The following MICAL2 variants were observed in gnomAD, a reference collection of about 807,000 sequenced individuals.
The protein encoded by MICAL2 is [F-actin]-monooxygenase MICAL2.
Under a neutral mutation model 127.3 loss-of-function variants are expected in MICAL2, and 77 were observed. That is an observed-to-expected ratio of 0.60 (90% CI 0.50 to 0.73). The LOEUF (loss-of-function observed/expected upper bound fraction) is 0.73. Among genes scored for constraint, MICAL2 ranks in the 30% least tolerant of loss-of-function variants. The probability of loss-of-function intolerance (pLI) is 0.00; values close to 1 mark genes in which losing one functional copy is unlikely to be tolerated. For missense variants in MICAL2, 1,351 were observed against 1,434.4 expected (o/e 0.94, Z 0.94); for synonymous variants, 570 against 551.1 (o/e 1.03, Z -0.48).
At chr11:12,332,243 G>T (rs1938651290) in intron 32 of MICAL2, among the ~76,000 whole-genome samples, 1 of 152,190 alleles carries the variant, frequency 6.6e-6, no homozygotes, top group Non-Finnish European at 1.5e-5. Flanking sequence ...GTACTTGAAG[G>T]CAGTGAGTTA....
At chr11:12,220,906 C>T (rs1272471403) in intron 9 of MICAL2, among the ~76,000 whole-genome samples, 1 of 152,224 alleles carries the variant, frequency 6.6e-6, no homozygotes, top group Non-Finnish European at 1.5e-5. Context: ...AAATTCTTCC[C>T]AGAAAATCTG....
At chr11:12,195,670 TAAAAC>T (rs1210552114) in intron 3 of MICAL2, among the ~76,000 whole-genome samples, 3 of 150,046 alleles carry the variant, frequency 2.0e-5, no homozygotes, top group African/African-American at 7.3e-5. Flanking sequence ...TGAAGAAAAA[TAAAAC>T]TAGGCCCGTG....
At chr11:12,328,111 T>A (rs929706187) in intron 32 of MICAL2, among the ~76,000 whole-genome samples, 4 of 152,230 alleles carry the variant, frequency 2.6e-5, no homozygotes, top group African/African-American at 9.6e-5. Context: ...AGTGGTAACT[T>A]TTCCAGTAAT....
intron 29 of MICAL2, among the ~76,000 whole-genome samples, chr11:12,313,167 CAAAAAAAA>C (rs61207104): frequency 4.3e-5 from 3 of 69,286 alleles, no homozygotes; most frequent in African/African-American, 1.9e-4. Context: ...GACTACATCT[CAAAAAAAA>C]AAAAAAAAAA....
At position 12,175,687 on chromosome 11, in the gene MICAL2, C is replaced by T. The variant is rs75185251; in HGVS notation, c.264+13268C>T. On this transcript the variant is annotated intron_variant, in intron 3 of 27. Coordinates refer to ENST00000683283, the MANE Select transcript of MICAL2 (RefSeq NM_001282663.2). ...AGGTTGCTGTTTGATATAGGATGTC[C>T]TGGGAAGGCTTCTAGAAGATGGTGA... Among the ~76,000 whole-genome samples, 499 of 151,872 alleles carry T rather than the reference C, an allele frequency of 3.3e-3. 4 individuals are homozygous for T. The highest frequency in any genetic ancestry group is 0.011 in the African/African-American group (476 of 41,426).
intron 4 of MICAL2, among the ~76,000 whole-genome samples, chr11:12,205,276 C>T (rs1456651229): frequency 1.3e-5 from 2 of 152,184 alleles, no homozygotes; most frequent in Admixed American, 1.3e-4. Flanking sequence ...GCCTTCCTTC[C>T]TGCAGCTTTG....
downstream of MICAL2, chr11:12,294,320 A>G: frequency 6.2e-7 from 1 of 1,614,208 alleles, no homozygotes; most frequent in Non-Finnish European, 8.5e-7. Flanking sequence ...GGCCTGGGCC[A>G]AGCAAGAATC....
At chr11:12,224,970 G>A in intron 13 of MICAL2, 150 bp downstream of exon 13, 1 of 1,063,420 alleles carries the variant, frequency 9.4e-7, no homozygotes. Context: ...CCTTTGCACT[G>A]ATTACTCTGT....
intron 3 of MICAL2, among the ~76,000 whole-genome samples, chr11:12,203,010 T>A (rs1013099709): frequency 6.6e-5 from 10 of 152,256 alleles, no homozygotes; most frequent in Non-Finnish European, 1.3e-4. Flanking sequence ...GGACATTTCA[T>A]ATAAACGAAA....
chr11:12,284,870 A>G (rs1054427993), intron 2 of MICAL2, among the ~76,000 whole-genome samples: 1 of 152,200 alleles, frequency 6.6e-6, no homozygotes, highest in African/African-American at 2.4e-5. Context: ...GGAACCTGCC[A>G]GACAGAGCAG....
At chr11:12,237,259 G>A (rs1460175292) in intron 16 of MICAL2, among the ~76,000 whole-genome samples, 5 of 152,182 alleles carry the variant, frequency 3.3e-5, no homozygotes, top group East Asian at 1.9e-4. Context: ...TCTACCCAAT[G>A]AGTTCAAAAC....
intron 1 of MICAL2, among the ~76,000 whole-genome samples, chr11:12,115,779 T>A (rs1462587373): frequency 6.6e-6 from 1 of 152,182 alleles, no homozygotes; most frequent in African/African-American, 2.4e-5. Context: ...AAAATCCAAA[T>A]ATTTATTTTC....
intron 32 of MICAL2, among the ~76,000 whole-genome samples, chr11:12,330,797 G>GAGAC (rs1864407557): frequency 8.5e-6 from 1 of 117,794 alleles, no homozygotes; most frequent in Admixed American, 8.4e-5. Flanking sequence ...GAGAGAGAGA[G>GAGAC]AGAGAGACAG....
chr11:12,142,929 G>A (rs146403311), intron 2 of MICAL2, among the ~76,000 whole-genome samples: 1 of 152,348 alleles, frequency 6.6e-6, no homozygotes, highest in East Asian at 1.9e-4. Flanking sequence ...ATTGACTGAA[G>A]CGTCAAACAT....
chr11:12,268,816 CT>C (rs1289193602), intron 24 of MICAL2, among the ~76,000 whole-genome samples: 15 of 146,772 alleles, frequency 1.0e-4, no homozygotes, highest in Middle Eastern at 3.5e-3. Context: ...TGGTGAAACA[CT>C]GTCTCTACTA....
intron 3 of MICAL2, among the ~76,000 whole-genome samples, chr11:12,179,423 C>G (rs1032670041): frequency 6.6e-6 from 1 of 152,194 alleles, no homozygotes; most frequent in Non-Finnish European, 1.5e-5. Flanking sequence ...TAGGAGTTTT[C>G]CACTGCCCAA....
At chr11:12,220,483 A>G (rs4237704) in intron 9 of MICAL2, 25 bp downstream of exon 9, 405,049 of 1,599,276 alleles carry the variant, frequency 0.25, 62,124 homozygotes, top group East Asian at 0.77. Context: ...CGGAGCCCCC[A>G]TGTTTCTCTG....
At position 12,237,965 on chromosome 11, in the gene MICAL2, C is replaced by G. The variant is rs942958389; in HGVS notation, c.2065-1471C>G. Among the ~76,000 whole-genome samples the G allele has an allele frequency of 9.8e-5, 15 of 152,340 alleles. 1 individual carries two copies. In the South Asian group the frequency reaches 2.9e-3, roughly 29 times the overall value. On this transcript the variant is annotated intron_variant, in intron 16 of 27. Coordinates refer to ENST00000683283, the MANE Select transcript of MICAL2 (RefSeq NM_001282663.2). ...CAAGTAAGCACAGCCTCTTCTCACT[C>G]AAGCCTGTGCTGTTGTGCACAGTTA... is the stretch of plus-strand genomic sequence containing the variant.
intron 32 of MICAL2, among the ~76,000 whole-genome samples, chr11:12,339,733 T>G (rs1406430255): frequency 2.0e-5 from 3 of 152,194 alleles, no homozygotes; most frequent in African/African-American, 7.2e-5. Context: ...TTTGCCTGGG[T>G]ATCAGCAGTG....
Sources: gnomAD v4.1 joint callset for allele counts (sites outside exome capture counted in the v4.1 genomes callset) on GRCh38, gnomAD v4.1.1 for gene constraint, MANE v1.5 for transcripts, NCBI Gene and HGNC (gene_info 2026-07-23, HGNC 2026-07-21) for gene names.